HNF4G: variants seen among roughly 807,000 people sequenced by gnomAD.
HNF4G encodes hepatocyte nuclear factor 4-gamma.
In HNF4G, 21 loss-of-function variants were observed where a neutral mutation model predicts 50.9. That is an observed-to-expected ratio of 0.41 (90% confidence interval 0.29 to 0.59). HNF4G has a LOEUF of 0.59. Ranked by LOEUF, HNF4G falls within the 20% of genes least tolerant of loss-of-function variation. The pLI, the probability that HNF4G is intolerant of heterozygous loss-of-function variation, is 0.26. For missense variants in HNF4G, 527 were observed against 559.4 expected (o/e 0.94, Z 0.58); for synonymous variants, 198 against 185.6 (o/e 1.07, Z -0.54).
At chr8:75,557,576 G>C (rs1027131751) in intron 6 of HNF4G, among the ~76,000 whole-genome samples, 1 of 152,128 alleles carries the variant, frequency 6.6e-6, no homozygotes, top group South Asian at 2.1e-4. Flanking sequence ...AGCTGAGATC[G>C]TGCCACTGCA....
At chr8:75,472,759 A>G (rs1209689285) in intron 1 of HNF4G, among the ~76,000 whole-genome samples, 2 of 152,180 alleles carry the variant, frequency 1.3e-5, no homozygotes, top group African/African-American at 2.4e-5. Context: ...GGGGCTGGAC[A>G]CTGCAAACTT....
intron 3 of HNF4G, among the ~76,000 whole-genome samples, chr8:75,548,428 C>A (rs1313055983): frequency 6.6e-6 from 1 of 152,024 alleles, no homozygotes; most frequent in African/African-American, 2.4e-5. Context: ...AAACACTGTT[C>A]TAGGTGCTAA....
chr8:75,412,938 C>T (rs539610464), intron 1 of HNF4G, among the ~76,000 whole-genome samples: 15 of 151,958 alleles, frequency 9.9e-5, no homozygotes, highest in African/African-American at 2.7e-4. Flanking sequence ...AGTATAATAC[C>T]GTGGAAAACA....
At chr8:75,440,357 C>T (rs1320753686) in intron 1 of HNF4G, among the ~76,000 whole-genome samples, 1 of 152,158 alleles carries the variant, frequency 6.6e-6, no homozygotes, top group African/African-American at 2.4e-5. Context: ...GCAGTGGTTG[C>T]AGCTATCATT....
intron 1 of HNF4G, among the ~76,000 whole-genome samples, chr8:75,444,595 A>C (rs1420255089): frequency 7.6e-6 from 1 of 130,776 alleles, no homozygotes; most frequent in African/African-American, 3.0e-5. Flanking sequence ...TCTACCAAGC[A>C]AATGGAAAAC....
At chr8:75,417,960 TACACACAC>T (rs144672882) in intron 1 of HNF4G, among the ~76,000 whole-genome samples, 6,669 of 148,842 alleles carry the variant, frequency 0.045, 188 homozygotes, top group Non-Finnish European at 0.063. Context: ...TGTGTGTGTC[TACACACAC>T]ACACACACAC....
At chr8:75,560,132 A>T (rs1167467789) in intron 8 of HNF4G, among the ~76,000 whole-genome samples, 4 of 152,256 alleles carry the variant, frequency 2.6e-5, no homozygotes, top group Non-Finnish European at 4.4e-5. Flanking sequence ...AATACACAGC[A>T]TAATATGATG....
intron 2 of HNF4G, among the ~76,000 whole-genome samples, chr8:75,534,443 T>C (rs1806408741): frequency 6.6e-6 from 1 of 151,888 alleles, no homozygotes; most frequent in South Asian, 2.1e-4. Context: ...GAGCATTTTC[T>C]TGGTTACATT....
chr8:75,488,462 G>C (rs935057479), intron 1 of HNF4G, among the ~76,000 whole-genome samples: 57 of 151,740 alleles, frequency 3.8e-4, no homozygotes, highest in African/African-American at 1.3e-3. Flanking sequence ...ATTTTTAGTA[G>C]AGACAGGGTT....
At chr8:75,423,680 G>A (rs1458126385) in intron 1 of HNF4G, among the ~76,000 whole-genome samples, 7 of 151,628 alleles carry the variant, frequency 4.6e-5, no homozygotes, top group African/African-American at 1.7e-4. Context: ...GTGAGCCACC[G>A]CACCCAGCCA....
At chr8:75,440,210 C>T (rs1478004780) in intron 1 of HNF4G, among the ~76,000 whole-genome samples, 1 of 152,066 alleles carries the variant, frequency 6.6e-6, no homozygotes, top group Non-Finnish European at 1.5e-5. Context: ...AAAATAGTTG[C>T]CAAGTTAGTG....
chr8:75,459,859 C>T (rs1811803884), intron 1 of HNF4G, among the ~76,000 whole-genome samples: 1 of 152,068 alleles, frequency 6.6e-6, no homozygotes, highest in Non-Finnish European at 1.5e-5. Flanking sequence ...TTTCAAGTTA[C>T]ATAGTTGTGT....
At chr8:75,487,840 T>G (rs1311935982) in intron 1 of HNF4G, among the ~76,000 whole-genome samples, 1 of 152,134 alleles carries the variant, frequency 6.6e-6, no homozygotes, top group Non-Finnish European at 1.5e-5. Context: ...TGACTCACAG[T>G]TCCTCAAGGC....
At chr8:75,557,734 C>T (rs1406911407) in intron 6 of HNF4G, among the ~76,000 whole-genome samples, 1 of 152,188 alleles carries the variant, frequency 6.6e-6, no homozygotes, top group Non-Finnish European at 1.5e-5. Flanking sequence ...ATTGAACATG[C>T]TGTTACCCTG....
intron 1 of HNF4G, among the ~76,000 whole-genome samples, chr8:75,424,706 A>C (rs1031873874): frequency 7.9e-5 from 12 of 152,192 alleles, no homozygotes; most frequent in Admixed American, 7.9e-4. Flanking sequence ...ATTCTGCTGC[A>C]AAGAACATGA....
At chr8:75,552,971 C>G (rs1231463203) in intron 4 of HNF4G, 71 bp from the exon 5 acceptor site, 1 of 1,125,946 alleles carries the variant, frequency 8.9e-7, no homozygotes, top group African/African-American at 1.6e-5. Flanking sequence ...TTATCATAGT[C>G]AAAAGAAAAA....
intron 1 of HNF4G, among the ~76,000 whole-genome samples, chr8:75,477,633 A>T (rs1383942172): frequency 6.6e-6 from 1 of 151,866 alleles, no homozygotes; most frequent in Non-Finnish European, 1.5e-5. Flanking sequence ...TCTTTGTATT[A>T]CTATTTGCAC....
At chr8:75,501,912 G>T (rs1812937851) in intron 2 of HNF4G, among the ~76,000 whole-genome samples, 1 of 123,664 alleles carries the variant, frequency 8.1e-6, no homozygotes, top group Non-Finnish European at 1.7e-5. Context: ...GAGTGCAGTG[G>T]CGCAATCTCG....
At chr8:75,538,325 T>A (rs762393973), upstream of HNF4G, among the ~76,000 whole-genome samples, 7 of 152,320 alleles carry the variant, frequency 4.6e-5, no homozygotes, top group Admixed American at 2.0e-4. Flanking sequence ...GGGAACAGAC[T>A]AGGGTAGAAG....
Sources: gnomAD v4.1 joint callset for allele counts (sites outside exome capture counted in the v4.1 genomes callset) on GRCh38, gnomAD v4.1.1 for gene constraint, MANE v1.5 for transcripts, NCBI Gene and HGNC (gene_info 2026-07-23, HGNC 2026-07-21) for gene names.